The following TSPAN2 variants were observed in gnomAD, a reference collection of about 807,000 sequenced individuals.
The protein encoded by TSPAN2 is tetraspanin-2.
A neutral mutation model predicts 33.3 loss-of-function variants in TSPAN2; 24 were observed. That is an observed-to-expected ratio of 0.72 (90% CI 0.52 to 1.01). TSPAN2 has a LOEUF of 1.01. Ranked by LOEUF, TSPAN2 falls within the 50% of genes least tolerant of loss-of-function variation. TSPAN2 has a pLI of 0.00. For missense variants in TSPAN2, 278 were observed against 281.3 expected, an observed-to-expected ratio of 0.99 and a Z score of 0.08; for synonymous variants, 114 against 104.5, an observed-to-expected ratio of 1.09 and a Z score of -0.56.
Position 115,049,408 on chromosome 1 carries a change from T to C in TSPAN2, c.*1082A>G, listed in dbSNP as rs1220416597. 6.6e-6 allele frequency: 1 copy of C among 152,634 alleles called. No homozygotes were observed. Among genetic ancestry groups the C allele is most frequent in the Non-Finnish European group, 1.5e-5 (1 of 68,022 alleles). The allele number at this position is 152,634 out of a possible 1,614,324, so 9.5% of individuals were successfully genotyped here. On this transcript the variant is annotated 3_prime_UTR_variant, in exon 8 of 8. Transcript: ENST00000369516. ...TAAATTATGAAGGACTTTGTTTTAC[T>C]TATGTTAAGTGGTGAAAACTGTAGT... is the stretch of plus-strand genomic sequence containing the variant.
At chr1:115,066,569 T>G (rs1049369002) in intron 2 of TSPAN2, among the ~76,000 whole-genome samples, 11 of 152,222 alleles carry the variant, frequency 7.2e-5, no homozygotes, top group Non-Finnish European at 1.5e-4. Context: ...AACGGCCTAC[T>G]GGGATAAACT....
intron 1 of TSPAN2, among the ~76,000 whole-genome samples, chr1:115,078,234 CATA>C (rs1354921727): frequency 6.6e-6 from 1 of 152,222 alleles, no homozygotes; most frequent in African/African-American, 2.4e-5. Flanking sequence ...TTATATCTCA[CATA>C]ATGTTTTCTA....
At chr1:115,057,752 G>A (rs1647493458) in intron 5 of TSPAN2, 144 bp from the exon 6 acceptor site, 7 of 717,082 alleles carry the variant, frequency 9.8e-6, no homozygotes, top group Non-Finnish European at 1.7e-5. Flanking sequence ...ATTTCTGGAA[G>A]GAGAGTGAAG....
intron 6 of TSPAN2, among the ~76,000 whole-genome samples, chr1:115,056,159 A>G (rs1040986825): frequency 2.0e-5 from 3 of 152,230 alleles, no homozygotes; most frequent in African/African-American, 7.2e-5. Flanking sequence ...ACACTTGGTC[A>G]ATTTCATAGA....
chr1:115,062,206 C>T lies in TSPAN2; in HGVS notation c.199G>A (p.Ala67Thr), dbSNP rs142434265. 23 of 1,595,844 alleles carry T rather than the reference C, an allele frequency of 1.4e-5. No homozygotes were observed. The African/African-American group carries it at 2.9e-4, about 20-fold the overall frequency. Residue 67 changes from alanine (A) to threonine (T), a missense_variant, in exon 3 of 8, where the codon GCC becomes ACC. Coordinates refer to ENST00000369516, the MANE Select transcript of TSPAN2 (RefSeq NM_005725.6). The part of the protein sequence containing the change: ...VGLYVLVGAG[A>T]LMMAVGFFGC... The stretch of plus-strand genomic sequence containing the variant: ...AAGAACCCCACGGCCATCATCAGGG[C>T]CCCGGCTCCAACCAGAACATACAGC...
In TSPAN2 at chr1:115,089,403, G is replaced by A. The variant is rs775127559; in HGVS notation, c.30C>T (p.Cys10=). Residue 10 remains cysteine, a synonymous_variant, in exon 1 of 8, where the codon TGC becomes TGT. Coordinates refer to ENST00000369516, the MANE Select transcript of TSPAN2 (RefSeq NM_005725.6). ...TGAAGCCAAGCAGCAGGTACTTGAT[G>A]CACCGCAGGCCCCCGCGGAAGCGCC... MGRFRGGLR[C]IKYLLLGFNL... 6 of 1,593,586 alleles carry A rather than the reference G, an allele frequency of 3.8e-6. No individual in the cohort carries two copies. Among genetic ancestry groups the A allele is most frequent in the South Asian group, 2.3e-5 (2 of 88,464 alleles).
chr1:115,082,549 T>G lies in TSPAN2; in HGVS notation c.69+6815A>C, dbSNP rs74599955. 5.3e-5 allele frequency among the ~76,000 whole-genome samples: 8 copies of G among 152,350 alleles called. No individual in the cohort carries two copies. In the East Asian group the frequency reaches 1.5e-3, roughly 29 times the overall value. On this transcript the variant is annotated intron_variant, in intron 1 of 7. Coordinates refer to ENST00000369516, the MANE Select transcript of TSPAN2 (RefSeq NM_005725.6). ...ATATAGTGCTTACTATTCTTCAAGT[T>G]TTTGCTCCTGAAATTAACTTTTTAA...
At chr1:115,055,579 A>G (rs186339877) in intron 6 of TSPAN2, among the ~76,000 whole-genome samples, 1 of 152,024 alleles carries the variant, frequency 6.6e-6, no homozygotes, top group African/African-American at 2.4e-5. Context: ...GCTGTAGTGC[A>G]GTGGCGCGAT....
In TSPAN2 at chr1:115,085,843, G is replaced by C. The variant is rs530763507; in HGVS notation, c.69+3521C>G. On this transcript the variant is annotated intron_variant, in intron 1 of 7. Transcript: ENST00000369516. ...TCCACCCCCACCCCCCATGAAACTG[G>C]GGGAGAGGAAGGTCCTTCATGTCCT... 9.2e-5 allele frequency among the ~76,000 whole-genome samples: 14 copies of C among 152,204 alleles called. No individual in the cohort carries two copies. The East Asian group carries it at 2.5e-3, about 27-fold the overall frequency.
At position 115,052,927 on chromosome 1, in the gene TSPAN2, C is replaced by T. The variant is rs1361159783; in HGVS notation, c.600+452G>A. Among the ~76,000 whole-genome samples, 4 of 152,182 alleles carry T rather than the reference C, an allele frequency of 2.6e-5. No individual in the cohort carries two copies. The East Asian group carries it at 7.7e-4, about 29-fold the overall frequency. On this transcript the variant is annotated intron_variant, in intron 7 of 7. Transcript: ENST00000369516. Reference sequence around the variant, plus strand: ...AAATTAAGAAATTTTCCTGCGATCTCAGAGCTTGCAAATGGTGGAGCCTAG... The same window carrying T: ...AAATTAAGAAATTTTCCTGCGATCTTAGAGCTTGCAAATGGTGGAGCCTAG...
In TSPAN2 at chr1:115,073,021, G is replaced by A. The variant is rs748265431; in HGVS notation, c.70-14C>T. The A allele has an allele frequency of 2.3e-5, 37 of 1,609,414 alleles. No individual in the cohort carries two copies. The Admixed American group carries it at 4.3e-4, about 19-fold the overall frequency. ...CGATCCAGCCAGCTGGAAGGCAAAC[G>A]ACACTGTGTTTACAGTGGAAGGGGA... is the stretch of plus-strand genomic sequence containing the variant. On this transcript the variant is annotated splice_polypyrimidine_tract_variant and intron_variant, in intron 1 of 7. Coordinates refer to ENST00000369516, the MANE Select transcript of TSPAN2 (RefSeq NM_005725.6).
chr1:115,060,332 C>A (rs1647664300), intron 4 of TSPAN2, 132 bp downstream of exon 4: 1 of 700,612 alleles, frequency 1.4e-6, no homozygotes, highest in South Asian at 1.9e-5. Context: ...GTTCTGCACA[C>A]CACTTCTAAG....
At chr1:115,050,658 TAACCA>T in intron 7 of TSPAN2, 103 bp from the exon 8 acceptor site, 5 of 867,922 alleles carry the variant, frequency 5.8e-6, no homozygotes, top group Non-Finnish European at 9.5e-6. Context: ...CAAATAATTA[TAACCA>T]ATAATTACCA....
At chr1:115,080,446 C>A (rs544209318) in intron 1 of TSPAN2, among the ~76,000 whole-genome samples, 1 of 152,162 alleles carries the variant, frequency 6.6e-6, no homozygotes, top group African/African-American at 2.4e-5. Context: ...CTATTTTTTT[C>A]TATTTTTTGG....
chr1:115,063,386 A>C (rs1437077407), intron 2 of TSPAN2, among the ~76,000 whole-genome samples: 1 of 152,248 alleles, frequency 6.6e-6, no homozygotes, highest in African/African-American at 2.4e-5. Flanking sequence ...ATCTCATACC[A>C]GTCAGAATGG....
chr1:115,057,898 A>G (rs1231502197), intron 5 of TSPAN2, among the ~76,000 whole-genome samples: 2 of 152,244 alleles, frequency 1.3e-5, no homozygotes, highest in African/African-American at 2.4e-5. Context: ...GCTACTTTTT[A>G]GAAAGGGGTT....
At chr1:115,088,822 CA>C (rs1263932183) in intron 1 of TSPAN2, among the ~76,000 whole-genome samples, 1 of 152,026 alleles carries the variant, frequency 6.6e-6, no homozygotes. Context: ...GACGCCCCCC[CA>C]CCACAATTTT....
At chr1:115,071,171 T>C (rs890210688) in intron 2 of TSPAN2, among the ~76,000 whole-genome samples, 18 of 151,944 alleles carry the variant, frequency 1.2e-4, no homozygotes, top group Non-Finnish European at 2.1e-4. Context: ...GGTGTGAGGG[T>C]GTGAATATCA....
At chr1:115,071,894 G>T (rs1034121054) in intron 2 of TSPAN2, among the ~76,000 whole-genome samples, 2 of 151,912 alleles carry the variant, frequency 1.3e-5, no homozygotes, top group African/African-American at 4.8e-5. Flanking sequence ...TGGGGCCTGC[G>T]CTCTCTCTCT....
Sources: allele counts gnomAD v4.1 joint callset (sites outside exome capture counted in the v4.1 genomes callset), GRCh38; gene constraint gnomAD v4.1.1; transcripts MANE v1.5; gene names NCBI Gene and HGNC (gene_info 2026-07-23, HGNC 2026-07-21).